SORL1: variants seen among roughly 807,000 people sequenced by gnomAD.
SORL1 encodes the protein sortilin related receptor 1, also known as sortilin-related receptor.
SORL1 carries 127 observed loss-of-function variants against 273.7 expected under a neutral mutation model. The ratio of observed to expected loss-of-function variants is 0.46; its 90% CI spans 0.40 to 0.54. The LOEUF (loss-of-function observed/expected upper bound fraction) is 0.54, where lower values mean the gene tolerates loss of function less well. SORL1 is among the 20% of genes least tolerant of loss of function. SORL1 has a pLI of 0.00. For synonymous variants in SORL1, 1,031 were observed against 1,067.4 expected, an observed-to-expected ratio of 0.97 and a Z score of 0.66; for missense variants, 2,494 against 2,846.1, an observed-to-expected ratio of 0.88 and a Z score of 2.81.
rs575973872 is a variant in SORL1 at position 121,561,320 on chromosome 11, C to G, written c.3049+1663C>G. The stretch of plus-strand genomic sequence containing the variant: ...TGGGCACAGCTGACATGCAGTCACA[C>G]CTGTGACTGAGGAGCAGTGCGGGAG... On this transcript the variant is annotated intron_variant, in intron 21 of 47. Transcript: ENST00000260197. 1.3e-3 allele frequency among the ~76,000 whole-genome samples: 195 copies of G among 152,288 alleles called. 1 individual carries two copies. The highest frequency in any genetic ancestry group is 4.5e-3 in the African/African-American group (187 of 41,566).
intron 21 of SORL1, among the ~76,000 whole-genome samples, chr11:121,561,850 G>A (rs1862681062): frequency 6.6e-6 from 1 of 152,102 alleles, no homozygotes; most frequent in Admixed American, 6.5e-5. Context: ...GCTGTCCTTT[G>A]GTTGTGAGCA....
intron 25 of SORL1, among the ~76,000 whole-genome samples, chr11:121,582,167 A>G: frequency 6.6e-6 from 1 of 152,240 alleles, no homozygotes; most frequent in Non-Finnish European, 1.5e-5. Flanking sequence ...CTTGTTTTAA[A>G]GTGGTTTGAA....
chr11:121,615,062 C>T lies in SORL1; in HGVS notation c.5604+7C>T, dbSNP rs1046250688. 2.0e-5 allele frequency: 31 copies of T among 1,586,768 alleles called. No homozygotes were observed. The highest frequency in any genetic ancestry group is 2.5e-5 in the Non-Finnish European group (29 of 1,166,356). ...GACCGGCCCCCGGAATGTGGTGAGT[C>T]AGCCAGAATGACCATCACAAAGTGA... is the stretch of plus-strand genomic sequence containing the variant. On this transcript the variant is annotated splice_region_variant and intron_variant, in intron 41 of 47. Coordinates refer to ENST00000260197, the MANE Select transcript of SORL1 (RefSeq NM_003105.6).
intron 3 of SORL1, among the ~76,000 whole-genome samples, chr11:121,486,749 G>T (rs2134808789): frequency 6.6e-6 from 1 of 152,166 alleles, no homozygotes; most frequent in East Asian, 1.9e-4. Flanking sequence ...AAAGTGCTGG[G>T]ATTACAGCCG....
chr11:121,603,611 T>C (rs960689509), intron 32 of SORL1, among the ~76,000 whole-genome samples: 2 of 152,212 alleles, frequency 1.3e-5, no homozygotes, highest in Non-Finnish European at 2.9e-5. Context: ...CATTTTCTGT[T>C]CAAGTACTTT....
At chr11:121,521,076 A>G (rs1268022806) in intron 9 of SORL1, among the ~76,000 whole-genome samples, 3 of 152,068 alleles carry the variant, frequency 2.0e-5, no homozygotes, top group Non-Finnish European at 4.4e-5. Flanking sequence ...AAAAAAAAAA[A>G]AAAAGTAGTA....
chr11:121,504,627 TAA>T (rs780723490), intron 6 of SORL1, among the ~76,000 whole-genome samples: 1 of 152,198 alleles, frequency 6.6e-6, no homozygotes, highest in Non-Finnish European at 1.5e-5. Flanking sequence ...TGTTGTCTGC[TAA>T]AAGAGACAAC....
chr11:121,515,049 G>A (rs572121552), intron 8 of SORL1, among the ~76,000 whole-genome samples: 11 of 152,274 alleles, frequency 7.2e-5, no homozygotes, highest in African/African-American at 2.4e-4. Context: ...TCTGGGGTGG[G>A]GTCTGGCTCT....
chr11:121,566,838 C>G (rs1862761039), intron 21 of SORL1, 102 bp from the exon 22 acceptor site: 2 of 1,156,238 alleles, frequency 1.7e-6, no homozygotes, highest in Non-Finnish European at 2.4e-6. Context: ...TCTCGCTGTC[C>G]TTTCCGTAAG....
At chr11:121,576,842 T>G in intron 24 of SORL1, 3 of 1,534,680 alleles carry the variant, frequency 2.0e-6, no homozygotes, top group Non-Finnish European at 2.6e-6. Context: ...CTCACGGTGA[T>G]CAGCTCATGC....
intron 8 of SORL1, among the ~76,000 whole-genome samples, chr11:121,515,085 G>A (rs1270224859): frequency 6.6e-6 from 1 of 152,222 alleles, no homozygotes; most frequent in African/African-American, 2.4e-5. Flanking sequence ...AGGTCTGAGG[G>A]CATGCCCCTG....
chr11:121,518,584 A>G (rs950939883), intron 8 of SORL1, among the ~76,000 whole-genome samples: 2 of 152,240 alleles, frequency 1.3e-5, no homozygotes, highest in African/African-American at 4.8e-5. Flanking sequence ...TCAGAGAGGT[A>G]GAGCAGAGGT....
chr11:121,598,737 T>C (rs1863339839), intron 32 of SORL1, among the ~76,000 whole-genome samples: 1 of 152,216 alleles, frequency 6.6e-6, no homozygotes, highest in African/African-American at 2.4e-5. Flanking sequence ...AAAAATCATC[T>C]TGGCCAAGTC....
At chr11:121,579,012 C>T (rs1471830823) in intron 25 of SORL1, among the ~76,000 whole-genome samples, 1 of 152,224 alleles carries the variant, frequency 6.6e-6, no homozygotes, top group Non-Finnish European at 1.5e-5. Flanking sequence ...TGCACTTGGA[C>T]ATTGCAGTTT....
At chr11:121,528,356 G>T (rs1481750130) in intron 11 of SORL1, among the ~76,000 whole-genome samples, 3 of 152,112 alleles carry the variant, frequency 2.0e-5, no homozygotes, top group Non-Finnish European at 4.4e-5. Context: ...TTACTCTGGG[G>T]GCTGAGGTGG....
rs758101142 is a variant in SORL1 at position 121,488,187 on chromosome 11, C to A, written c.684C>A (p.Asn228Lys). ...TGGGCTTTGACAGGTCCCACCCCAA[C>A]AAGCAGGTAAGAGGGCTTTCAGAAC... ...LLLGFDRSHP[N>K]KQLWKSDDFG... The change falls in exon 4 of 48, where the codon AAC becomes AAA. Residue 228 changes from asparagine to lysine, a missense_variant. By Grantham distance (94) the Asn-to-Lys change is moderately conservative. Coordinates refer to ENST00000260197, the MANE Select transcript of SORL1 (RefSeq NM_003105.6). 1.2e-6 allele frequency: 2 copies of A among 1,613,958 alleles called. No individual in the cohort carries two copies. The highest frequency in any genetic ancestry group is 1.7e-4 in the Middle Eastern group (1 of 6,060).
intron 12 of SORL1, among the ~76,000 whole-genome samples, chr11:121,542,299 C>T (rs759462872): frequency 6.6e-6 from 1 of 152,316 alleles, no homozygotes; most frequent in South Asian, 2.1e-4. Flanking sequence ...CACTTTTCCC[C>T]TTCAATCCGG....
chr11:121,470,039 G>C lies in SORL1; in HGVS notation c.318G>C (p.Val106=). ...TGAATGATTCCCACAATCAGATGGT[G>C]GTGCACTGGGCTGGAGAGAAAAGCA... The part of the protein sequence containing the change: ...VSLNDSHNQM[V]VHWAGEKSNV... The change falls in exon 2 of 48, where the codon GTG becomes GTC. Residue 106 remains valine (V), a synonymous_variant. Coordinates refer to ENST00000260197, the MANE Select transcript of SORL1 (RefSeq NM_003105.6). 3.1e-6 allele frequency: 5 copies of C among 1,614,094 alleles called. No homozygotes were observed. Among genetic ancestry groups the C allele is most frequent in the Non-Finnish European group, 4.2e-6 (5 of 1,179,950 alleles).
intron 6 of SORL1, among the ~76,000 whole-genome samples, chr11:121,500,807 T>C (rs925263397): frequency 6.6e-6 from 1 of 152,242 alleles, no homozygotes; most frequent in African/African-American, 2.4e-5. Flanking sequence ...ATGGTATCTT[T>C]AGAATATTAT....
Sources: gnomAD v4.1 joint callset for allele counts (sites outside exome capture counted in the v4.1 genomes callset) on GRCh38, gnomAD v4.1.1 for gene constraint, MANE v1.5 for transcripts, NCBI Gene and HGNC (gene_info 2026-07-23, HGNC 2026-07-21) for gene names.